Variants in BDP1 observed in about 807,000 individuals in gnomAD.
The protein encoded by BDP1 is BDP1 general transcription factor IIIB subunit, also known as transcription factor TFIIIB component B'' homolog.
Under a neutral mutation model 266.6 loss-of-function variants are expected in BDP1, and 169 were observed. The ratio of observed to expected loss-of-function variants is 0.63; its 90% CI spans 0.56 to 0.72. BDP1 has a LOEUF of 0.72. Among genes scored for constraint, BDP1 ranks in the 30% least tolerant of loss-of-function variants. BDP1 has a pLI of 0.00. For missense variants in BDP1, 3,015 were observed against 3,053.8 expected (o/e 0.99, Z 0.30); for synonymous variants, 1,090 against 1,022.4 (o/e 1.07, Z -1.26).
At chr5:71,557,388 T>TTTA (rs1187575192) in intron 36 of BDP1, among the ~76,000 whole-genome samples, 8 of 64,316 alleles carry the variant, frequency 1.2e-4, no homozygotes, top group Admixed American at 2.9e-4. Context: ...TTTTTTTTTT[T>TTTA]TTTTTTTTTT....
intron 26 of BDP1, among the ~76,000 whole-genome samples, chr5:71,535,614 A>T (rs767925611): frequency 1.2e-4 from 18 of 152,216 alleles, no homozygotes; most frequent in Non-Finnish European, 2.6e-4. Flanking sequence ...AAAACAAAAC[A>T]AATTTATTCT....
rs369064677 is a variant in BDP1 at position 71,504,590 on chromosome 5, A to G, written c.2242-31A>G. The G allele has an allele frequency of 8.2e-6, 13 of 1,588,662 alleles. No homozygotes were observed. In the African/African-American group the frequency reaches 1.4e-4, roughly 17 times the overall value. On this transcript the variant is annotated intron_variant, in intron 15 of 38. Coordinates refer to ENST00000358731, the MANE Select transcript of BDP1 (RefSeq NM_018429.3). ...TCTGTTATGCCTCATTGTGAAACCT[A>G]AAACATTAGAAAAATTTGTTTGTTT...
intron 34 of BDP1, among the ~76,000 whole-genome samples, chr5:71,551,526 C>G (rs1055529184): frequency 6.6e-6 from 1 of 152,228 alleles, no homozygotes; most frequent in African/African-American, 2.4e-5. Context: ...TACACAGACA[C>G]GGCAACCATC....
Position 71,524,128 on chromosome 5 carries a change from A to G in BDP1, c.5577A>G (p.Arg1859=). ...GTAAGACCTCTAAGAAGGAACCTAGAGCTTCCAAGGCCATGCTGGTGACTC... is the reference window on the plus strand; with the variant it reads ...GTAAGACCTCTAAGAAGGAACCTAGGGCTTCCAAGGCCATGCTGGTGACTC... ...VRGKTSKKEP[R]ASKAMLVTLR... The change falls in exon 25 of 39, where the codon AGA becomes AGG. Residue 1859 remains arginine (R), a synonymous_variant. Coordinates refer to ENST00000358731, the MANE Select transcript of BDP1 (RefSeq NM_018429.3). 1 of 1,614,206 alleles carries G rather than the reference A, an allele frequency of 6.2e-7. No individual in the cohort carries two copies. Among genetic ancestry groups the G allele is most frequent in the Non-Finnish European group, 8.5e-7 (1 of 1,180,038 alleles).
intron 7 of BDP1, among the ~76,000 whole-genome samples, chr5:71,471,105 A>T (rs982517457): frequency 6.7e-6 from 1 of 150,268 alleles, no homozygotes; most frequent in Non-Finnish European, 1.5e-5. Context: ...AAAAGAGAAG[A>T]TAAATGTACC....
intron 16 of BDP1, among the ~76,000 whole-genome samples, chr5:71,506,354 T>C (rs1044726135): frequency 6.6e-6 from 1 of 152,210 alleles, no homozygotes; most frequent in African/African-American, 2.4e-5. Flanking sequence ...TCTAAGATTC[T>C]GTGTTTTATC....
At position 71,506,786 on chromosome 5, in the gene BDP1, A is replaced by AACACACACACAC. The variant is rs70992971; in HGVS notation, c.2372+2062_2372+2073dup. On this transcript the variant is annotated intron_variant, in intron 16 of 38. Coordinates refer to ENST00000358731, the MANE Select transcript of BDP1 (RefSeq NM_018429.3). ...TATATATATATATATATATATTTGA[A>AACACACACACAC]ACACACACACACACACACACACACA... Among the ~76,000 whole-genome samples, 282 of 64,426 alleles carry AACACACACACAC rather than the reference A, an allele frequency of 4.4e-3. 3 individuals are homozygous for AACACACACACAC. The highest frequency in any genetic ancestry group is 0.012 in the South Asian group (23 of 1,910). 42.3% of individuals were successfully genotyped at this position (64,426 alleles called of 152,430 possible).
chr5:71,572,350 C>T (rs1027202584), downstream of BDP1, among the ~76,000 whole-genome samples: 4 of 152,144 alleles, frequency 2.6e-5, no homozygotes, highest in African/African-American at 9.7e-5. Context: ...AGTGGTGCCT[C>T]GAACAGCAAC....
At chr5:71,534,585 C>T (rs960192873) in intron 26 of BDP1, among the ~76,000 whole-genome samples, 1 of 151,952 alleles carries the variant, frequency 6.6e-6, no homozygotes, top group African/African-American at 2.4e-5. Flanking sequence ...CTGCAAGCTC[C>T]GCCTCCTGGG....
intron 17 of BDP1, among the ~76,000 whole-genome samples, chr5:71,511,872 C>A (rs982947760): frequency 1.3e-5 from 2 of 152,126 alleles, no homozygotes; most frequent in Non-Finnish European, 2.9e-5. Context: ...CACATTATTT[C>A]TTTTGGCCAC....
In BDP1 at chr5:71,553,110, A is replaced by G. The variant is rs377138654; in HGVS notation, c.6996-6A>G. 3.4e-5 allele frequency: 54 copies of G among 1,603,760 alleles called. No homozygotes were observed. The highest frequency in any genetic ancestry group is 4.5e-5 in the East Asian group (2 of 44,790). ...GTAATTTAGTATGTATTTCTTTTCTATGCAGTATTTGTTTACCAGCAACTT... is the reference window on the plus strand; with the variant it reads ...GTAATTTAGTATGTATTTCTTTTCTGTGCAGTATTTGTTTACCAGCAACTT... On this transcript the variant is annotated splice_region_variant and splice_polypyrimidine_tract_variant and intron_variant, in intron 34 of 38. Transcript: ENST00000358731.
At chr5:71,503,750 T>A (rs1561717790) in intron 15 of BDP1, among the ~76,000 whole-genome samples, 1 of 151,848 alleles carries the variant, frequency 6.6e-6, no homozygotes, top group Admixed American at 6.6e-5. Context: ...GAGGATTGCT[T>A]GAGGCCAGGT....
At chr5:71,461,960 T>A (rs767340531) in intron 3 of BDP1, 34 bp downstream of exon 3, 3 of 561,480 alleles carry the variant, frequency 5.3e-6, no homozygotes, top group Non-Finnish European at 8.3e-6. Flanking sequence ...TACTATCTCT[T>A]TTTTTTTTTT....
chr5:71,544,491 G>A lies in BDP1; in HGVS notation c.6547G>A (p.Val2183Ile), dbSNP rs1224044544. The A allele has an allele frequency of 6.2e-7, 1 of 1,611,996 alleles. No homozygotes were observed. The highest frequency in any genetic ancestry group is 1.3e-5 in the African/African-American group (1 of 74,922). ...CAAAGGGACCAGTATTTCTTCAGAA[G>A]TAAACCTAACTGAAAGGTAAAAGAG... ...GIKGTSISSE[V>I]NLTERNENQE... The change falls in exon 31 of 39, where the codon GTA becomes ATA. Residue 2183 changes from valine (V) to isoleucine (I), a missense_variant. Physicochemically the swap from Val to Ile is conservative, Grantham distance 29. Around this residue, in one of 3 missense-constraint regions of BDP1, gnomAD observed 629 missense variants for 632.5 expected, o/e 0.99. Transcript: ENST00000358731.
intron 25 of BDP1, 36 bp from the exon 26 acceptor site, chr5:71,532,272 A>T: frequency 1.2e-6 from 2 of 1,601,792 alleles, no homozygotes; most frequent in Non-Finnish European, 1.7e-6. Context: ...TGTTTATAAT[A>T]TGCCAAAATG....
At chr5:71,511,790 T>C (rs1034788857) in intron 17 of BDP1, among the ~76,000 whole-genome samples, 2 of 152,210 alleles carry the variant, frequency 1.3e-5, no homozygotes, top group African/African-American at 4.8e-5. Context: ...CTTAATATCA[T>C]TTGAAGTTAC....
intron 37 of BDP1, among the ~76,000 whole-genome samples, chr5:71,561,896 T>A (rs1404678321): frequency 6.6e-6 from 1 of 152,188 alleles, no homozygotes; most frequent in Non-Finnish European, 1.5e-5. Flanking sequence ...GTTTTTGAGC[T>A]CCTGGCCTTA....
chr5:71,543,461 G>C (rs1015554501), intron 30 of BDP1, among the ~76,000 whole-genome samples: 1 of 152,108 alleles, frequency 6.6e-6, no homozygotes, highest in Non-Finnish European at 1.5e-5. Flanking sequence ...TTAGCCAGAC[G>C]TGGTGGCACA....
intron 34 of BDP1, among the ~76,000 whole-genome samples, chr5:71,550,227 A>C (rs1409111493): frequency 6.6e-6 from 1 of 152,162 alleles, no homozygotes; most frequent in Non-Finnish European, 1.5e-5. Flanking sequence ...CACTACTACA[A>C]ATACAAAAAT....
Sources: gnomAD v4.1 joint callset for allele counts (sites outside exome capture counted in the v4.1 genomes callset) on GRCh38, gnomAD v4.1.1 for gene constraint, gnomAD v4.1.1 regional missense constraint, MANE v1.5 for transcripts, NCBI Gene and HGNC (gene_info 2026-07-23, HGNC 2026-07-21) for gene names.